WASL: variants seen among roughly 807,000 people sequenced by gnomAD.
The protein encoded by WASL is actin nucleation-promoting factor WASL.
In WASL, 20 loss-of-function variants were observed where a neutral mutation model predicts 55.5. The ratio of observed to expected loss-of-function variants is 0.36; its 90% CI spans 0.25 to 0.52. The LOEUF (loss-of-function observed/expected upper bound fraction) is 0.52. Ranked by LOEUF, WASL falls within the 20% of genes least tolerant of loss-of-function variation. The pLI is 0.92. For synonymous variants in WASL, 249 were observed against 217.6 expected, an observed-to-expected ratio of 1.14 and a Z score of -1.27; for missense variants, 504 against 622.5, an observed-to-expected ratio of 0.81 and a Z score of 2.03.
chr7:123,694,387 A>G (rs543156748), intron 8 of WASL, among the ~76,000 whole-genome samples: 1 of 152,302 alleles, frequency 6.6e-6, no homozygotes, highest in East Asian at 1.9e-4. Context: ...TATTTAAATT[A>G]TTACTTCTGA....
intron 1 of WASL, among the ~76,000 whole-genome samples, chr7:123,714,314 C>T (rs1370818192): frequency 2.0e-5 from 3 of 152,070 alleles, no homozygotes; most frequent in East Asian, 3.9e-4. Context: ...GGGATCTTAT[C>T]ACCTGGTAAT....
chr7:123,695,214 G>C (rs574231156), intron 7 of WASL, among the ~76,000 whole-genome samples: 1 of 152,214 alleles, frequency 6.6e-6, no homozygotes, highest in South Asian at 2.1e-4. Context: ...TTGAAAATCT[G>C]AGAGCAAGGA....
chr7:123,695,903 T>C (rs780201696), intron 6 of WASL, 38 bp from the exon 7 acceptor site: 50 of 1,596,456 alleles, frequency 3.1e-5, no homozygotes, highest in Non-Finnish European at 4.2e-5. Flanking sequence ...AAAAACAAAA[T>C]GCATAAAGGG....
At chr7:123,699,721 C>A (rs1330991753) in intron 5 of WASL, among the ~76,000 whole-genome samples, 1 of 152,064 alleles carries the variant, frequency 6.6e-6, no homozygotes, top group Admixed American at 6.6e-5. Context: ...AGGATAGGAA[C>A]AAAATGTAAG....
At chr7:123,727,355 A>T (rs73718466) in intron 1 of WASL, among the ~76,000 whole-genome samples, 5 of 141,446 alleles carry the variant, frequency 3.5e-5, no homozygotes, top group South Asian at 2.4e-4. Context: ...AATATGTGTC[A>T]CACACACACA....
At chr7:123,733,913 C>CAAAAAAAAAAAAAAAAAAAAAAA (rs33913069) in intron 1 of WASL, among the ~76,000 whole-genome samples, 1 of 110,800 alleles carries the variant, frequency 9.0e-6, no homozygotes, top group Non-Finnish European at 1.8e-5. Context: ...ATCCACGTGC[C>CAAAAAAAAAAAAAAAAAAAAAAA]AAAAAAAAAA....
intron 1 of WASL, among the ~76,000 whole-genome samples, chr7:123,724,113 A>G (rs1804001532): frequency 6.6e-6 from 1 of 152,184 alleles, no homozygotes; most frequent in Non-Finnish European, 1.5e-5. Flanking sequence ...TTCTTTCGTA[A>G]GTGCTTGCCA....
intron 1 of WASL, 46 bp downstream of exon 1, chr7:123,748,572 C>T: frequency 6.3e-7 from 1 of 1,598,460 alleles, no homozygotes. Context: ...AAGCCCGGGC[C>T]CGTGAGGTAA....
At chr7:123,739,835 A>C (rs898979626) in intron 1 of WASL, among the ~76,000 whole-genome samples, 10 of 151,638 alleles carry the variant, frequency 6.6e-5, no homozygotes, top group South Asian at 4.2e-4. Flanking sequence ...TGATATACCT[A>C]TCTCTCCTCT....
At chr7:123,736,632 G>C (rs1409527146) in intron 1 of WASL, among the ~76,000 whole-genome samples, 1 of 152,182 alleles carries the variant, frequency 6.6e-6, no homozygotes, top group Non-Finnish European at 1.5e-5. Context: ...ACCATTATGT[G>C]ATACATTACA....
chr7:123,743,108 G>A (rs939084302), intron 1 of WASL, among the ~76,000 whole-genome samples: 15 of 152,184 alleles, frequency 9.9e-5, no homozygotes, highest in Non-Finnish European at 1.5e-4. Flanking sequence ...AGGTTGAAGC[G>A]GACAGATCAC....
chr7:123,713,566 A>G (rs1803793025), intron 1 of WASL, among the ~76,000 whole-genome samples: 1 of 152,052 alleles, frequency 6.6e-6, no homozygotes, highest in South Asian at 2.1e-4. Flanking sequence ...ACAGTCAAAT[A>G]CTCCAACTTT....
chr7:123,692,983 T>C, intron 8 of WASL, 116 bp from the exon 9 acceptor site: 2 of 1,259,040 alleles, frequency 1.6e-6, no homozygotes, highest in Non-Finnish European at 2.0e-6. Context: ...AAGGGTCTCA[T>C]CTTTGCATTT....
Position 123,709,240 on chromosome 7 carries a change from T to C in WASL, c.118-17A>G. The C allele has an allele frequency of 6.3e-7, 1 of 1,593,548 alleles. No homozygotes were observed. The highest frequency in any genetic ancestry group is 1.3e-5 in the African/African-American group (1 of 74,298). ...AGACATAGTCTGCAAAATATAAAAT[T>C]TATAACCATTAGGTTCAAAATAATA... On this transcript the variant is annotated splice_polypyrimidine_tract_variant and intron_variant, in intron 1 of 10. Coordinates refer to ENST00000223023, the MANE Select transcript of WASL (RefSeq NM_003941.4).
At chr7:123,694,592 T>C in intron 8 of WASL, 123 bp downstream of exon 8, 1 of 944,244 alleles carries the variant, frequency 1.1e-6, no homozygotes, top group Non-Finnish European at 1.6e-6. Flanking sequence ...CCACATTAGT[T>C]GTCCATAGAC....
chr7:123,721,596 A>G (rs1803944689), intron 1 of WASL, among the ~76,000 whole-genome samples: 1 of 152,196 alleles, frequency 6.6e-6, no homozygotes, highest in Non-Finnish European at 1.5e-5. Context: ...ACCTTTCTCA[A>G]GTTTTGTTTT....
At chr7:123,713,430 G>C (rs1301251934) in intron 1 of WASL, among the ~76,000 whole-genome samples, 1 of 152,118 alleles carries the variant, frequency 6.6e-6, no homozygotes, top group African/African-American at 2.4e-5. Context: ...AGGGATTACA[G>C]ATGCGAGCCA....
At position 123,684,555 on chromosome 7, in the gene WASL, T is replaced by A. The variant is rs201536626; in HGVS notation, c.1482A>T (p.Glu494Asp). 37 of 1,399,048 alleles carry A rather than the reference T, an allele frequency of 2.6e-5. No individual in the cohort carries two copies. Among genetic ancestry groups the A allele is most frequent in the Admixed American group, 4.0e-5 (2 of 49,552 alleles). 86.7% of individuals were successfully genotyped at this position (1,399,048 alleles called of 1,614,324 possible). Residue 494 changes from glutamate to aspartate, a missense_variant, in exon 11 of 11, where the codon GAA (glutamate) becomes GAT (aspartate). Physicochemically the swap from Glu to Asp is conservative, Grantham distance 45. This residue lies in a region of WASL where 53 missense variants were observed against 69.1 expected (regional missense o/e 0.77). Transcript: ENST00000223023. ...ACTCATCATCATCCTCAAAATCTTCTTCATCATCTTCATCTTCATCTTCAT... is the reference window on the plus strand; with the variant it reads ...ACTCATCATCATCCTCAAAATCTTCATCATCATCTTCATCTTCATCTTCAT... ...SSDEDEDEDD[E>D]EDFEDDDEWE...
intron 9 of WASL, among the ~76,000 whole-genome samples, chr7:123,689,970 A>G (rs1345468696): frequency 6.6e-6 from 1 of 152,174 alleles, no homozygotes; most frequent in Admixed American, 6.5e-5. Context: ...TTCTTTCTGG[A>G]GTAAACACCT....
Sources: allele counts gnomAD v4.1 joint callset (sites outside exome capture counted in the v4.1 genomes callset), GRCh38; gene constraint gnomAD v4.1.1; regional missense constraint gnomAD v4.1.1; transcripts MANE v1.5; gene names NCBI Gene and HGNC (gene_info 2026-07-23, HGNC 2026-07-21).